The following FOXP2 variants were observed in gnomAD, a reference collection of about 807,000 sequenced individuals.
FOXP2 encodes forkhead box P2, also known as forkhead box protein P2.
Under a neutral mutation model 115.8 loss-of-function variants are expected in FOXP2, and 12 were observed. The observed-to-expected ratio is 0.10, with a 90% CI of 0.07 to 0.17. The LOEUF (loss-of-function observed/expected upper bound fraction) is 0.17, where lower values mean the gene tolerates loss of function less well. Ranked by LOEUF, FOXP2 falls within the 10% of genes least tolerant of loss-of-function variation. FOXP2 has a pLI of 1.00. For synonymous variants in FOXP2, 328 were observed against 297.7 expected (o/e 1.10, Z -1.05); for missense variants, 629 against 843.5 (o/e 0.75, Z 3.15).
At chr7:114,257,277 C>A (rs894556264) in intron 1 of FOXP2, among the ~76,000 whole-genome samples, 1 of 151,970 alleles carries the variant, frequency 6.6e-6, no homozygotes, top group African/African-American at 2.4e-5. Context: ...TTCCTTATAC[C>A]TTATACAAAA....
intron 1 of FOXP2, among the ~76,000 whole-genome samples, chr7:114,091,402 A>G (rs1027513489): frequency 1.3e-5 from 2 of 151,908 alleles, no homozygotes; most frequent in Non-Finnish European, 3.0e-5. Flanking sequence ...AGTAATATTC[A>G]TGAAAGCTAG....
intron 1 of FOXP2, among the ~76,000 whole-genome samples, chr7:114,205,785 G>A (rs1039819615): frequency 6.6e-6 from 1 of 152,114 alleles, no homozygotes; most frequent in Non-Finnish European, 1.5e-5. Context: ...CCTTATTCAT[G>A]CAAGAGTTCA....
intron 6 of FOXP2, among the ~76,000 whole-genome samples, chr7:114,638,267 C>T (rs1396368561): frequency 6.6e-6 from 1 of 152,018 alleles, no homozygotes; most frequent in Non-Finnish European, 1.5e-5. Flanking sequence ...AATTGGAAAA[C>T]GCTGACTTCA....
chr7:114,186,140 G>A (rs117417723), intron 1 of FOXP2, among the ~76,000 whole-genome samples: 25 of 152,082 alleles, frequency 1.6e-4, no homozygotes, highest in Non-Finnish European at 2.5e-4. Context: ...ATTTTTGGAC[G>A]GGACGTATGT....
At chr7:114,261,202 A>G (rs1795741591) in intron 1 of FOXP2, among the ~76,000 whole-genome samples, 1 of 152,164 alleles carries the variant, frequency 6.6e-6, no homozygotes, top group African/African-American at 2.4e-5. Flanking sequence ...GAAAGGTGTT[A>G]TATAAGTGTA....
At chr7:114,188,241 A>G (rs1309215582) in intron 1 of FOXP2, among the ~76,000 whole-genome samples, 1 of 152,208 alleles carries the variant, frequency 6.6e-6, no homozygotes, top group Non-Finnish European at 1.5e-5. Flanking sequence ...TAAAATACGA[A>G]CATCTTACCT....
chr7:114,436,328 T>C (rs1794347470), intron 2 of FOXP2, among the ~76,000 whole-genome samples: 1 of 151,680 alleles, frequency 6.6e-6, no homozygotes, highest in Non-Finnish European at 1.5e-5. Context: ...TATTTATGTA[T>C]GTGATTATTT....
At chr7:114,529,693 A>C (rs1428039779) in intron 2 of FOXP2, among the ~76,000 whole-genome samples, 6 of 151,852 alleles carry the variant, frequency 4.0e-5, no homozygotes, top group Non-Finnish European at 5.9e-5. Flanking sequence ...GGCATGAAAA[A>C]ATAAAAGGTC....
At chr7:114,629,510 T>G (rs1053295002) in intron 4 of FOXP2, 1 of 1,199,502 alleles carries the variant, frequency 8.3e-7, no homozygotes, top group African/African-American at 1.5e-5. Context: ...TATGTGTCAG[T>G]AGGACTTCAG....
intron 2 of FOXP2, among the ~76,000 whole-genome samples, chr7:114,390,960 G>A (rs921007774): frequency 7.2e-5 from 11 of 152,048 alleles, no homozygotes; most frequent in Non-Finnish European, 1.0e-4. Flanking sequence ...AGGCTGAGGT[G>A]GGCAGATCAC....
At chr7:114,398,906 A>G (rs1005151783) in intron 2 of FOXP2, among the ~76,000 whole-genome samples, 1 of 152,194 alleles carries the variant, frequency 6.6e-6, no homozygotes. Flanking sequence ...AACACTTGGC[A>G]GGTAGTGAGC....
intron 3 of FOXP2, among the ~76,000 whole-genome samples, chr7:114,536,082 A>G (rs1439348073): frequency 6.6e-6 from 1 of 151,552 alleles, no homozygotes; most frequent in East Asian, 1.9e-4. Context: ...AAAAATTTAC[A>G]TAGAAGTCAC....
At chr7:114,584,368 C>A (rs570422982) in intron 3 of FOXP2, among the ~76,000 whole-genome samples, 2 of 152,286 alleles carry the variant, frequency 1.3e-5, no homozygotes, top group Admixed American at 6.5e-5. Flanking sequence ...CCATCCACTG[C>A]AAACAAGCAC....
intron 2 of FOXP2, among the ~76,000 whole-genome samples, chr7:114,308,525 C>A (rs1418185773): frequency 6.6e-6 from 1 of 152,040 alleles, no homozygotes; most frequent in African/African-American, 2.4e-5. Context: ...GGCGATAAAC[C>A]CTTTTAAGGG....
intron 1 of FOXP2, among the ~76,000 whole-genome samples, chr7:114,232,359 C>T (rs1437953047): frequency 6.6e-6 from 1 of 152,054 alleles, no homozygotes; most frequent in Non-Finnish European, 1.5e-5. Flanking sequence ...AATCCTACTT[C>T]TAGTTATTTA....
chr7:114,580,422 A>C (rs1211770456), intron 3 of FOXP2, among the ~76,000 whole-genome samples: 1 of 152,168 alleles, frequency 6.6e-6, no homozygotes. Context: ...TACTAAAAAT[A>C]CAAAAATTAG....
chr7:114,339,228 A>G (rs1584648115), intron 2 of FOXP2, among the ~76,000 whole-genome samples: 1 of 151,190 alleles, frequency 6.6e-6, no homozygotes, highest in South Asian at 2.1e-4. Context: ...TTTGAAGTTT[A>G]TAAACTAAGA....
chr7:114,117,038 T>A (rs1446212357), intron 1 of FOXP2, among the ~76,000 whole-genome samples: 2 of 152,092 alleles, frequency 1.3e-5, no homozygotes, highest in African/African-American at 4.8e-5. Context: ...TGCATCCAAG[T>A]AACTCTTTCC....
At chr7:114,531,071 A>T (rs745997387) in intron 2 of FOXP2, among the ~76,000 whole-genome samples, 1 of 151,822 alleles carries the variant, frequency 6.6e-6, no homozygotes, top group Non-Finnish European at 1.5e-5. Flanking sequence ...TTAAAAACAA[A>T]TGTGTTTTTG....
Sources: gnomAD v4.1 joint callset for allele counts (sites outside exome capture counted in the v4.1 genomes callset) on GRCh38, gnomAD v4.1.1 for gene constraint, MANE v1.5 for transcripts, NCBI Gene and HGNC (gene_info 2026-07-23, HGNC 2026-07-21) for gene names.